Variants in UBAP2 observed in about 807,000 individuals in gnomAD.
UBAP2 encodes ubiquitin-associated protein 2.
Under a neutral mutation model 139.6 loss-of-function variants are expected in UBAP2, and 75 were observed. That is an observed-to-expected ratio of 0.54 (90% CI 0.45 to 0.65). The LOEUF is 0.65. Among genes scored for constraint, UBAP2 ranks in the 30% least tolerant of loss-of-function variants. The pLI is 0.00. For synonymous variants in UBAP2, 526 were observed against 526.2 expected (o/e 1.00, Z 0.01); for missense variants, 1,368 against 1,369.6 (o/e 1.00, Z 0.02).
At chr9:33,978,296 G>A (rs1020112533) in intron 6 of UBAP2, among the ~76,000 whole-genome samples, 1 of 151,924 alleles carries the variant, frequency 6.6e-6, no homozygotes, top group East Asian at 1.9e-4. Context: ...CACCTTGGTA[G>A]GTCAAGATGG....
chr9:33,950,190 C>A (rs1290680294), intron 12 of UBAP2, among the ~76,000 whole-genome samples: 1 of 152,104 alleles, frequency 6.6e-6, no homozygotes, highest in Non-Finnish European at 1.5e-5. Context: ...CTCAGCCTCC[C>A]GAGTAGCTGG....
In UBAP2 at chr9:33,948,582, G is replaced by A. The variant is rs1449169762; in HGVS notation, c.1062C>T (p.Ser354=). ...GCTCTCCAAATCCTGAGCCAAGGACGGATGACTTTAAAAGGGGGATAAAAG... is the reference window on the plus strand; with the variant it reads ...GCTCTCCAAATCCTGAGCCAAGGACAGATGACTTTAAAAGGGGGATAAAAG... ...VNSCSPQSLS[S]VLGSGFGELA... Residue 354 remains serine, a synonymous_variant, in exon 13 of 29, where the codon TCC becomes TCT. Coordinates refer to ENST00000379238, the MANE Select transcript of UBAP2 (RefSeq NM_001370062.2). 6.2e-6 allele frequency: 10 copies of A among 1,613,714 alleles called. No homozygotes were observed. The highest frequency in any genetic ancestry group is 2.2e-5 in the East Asian group (1 of 44,886).
chr9:33,960,567 GGAGTTTGAGACCACCCT>G (rs772012886), intron 10 of UBAP2, among the ~76,000 whole-genome samples: 4 of 151,970 alleles, frequency 2.6e-5, no homozygotes, highest in Non-Finnish European at 4.4e-5. Context: ...CCTGAGGTCA[GGAGTTTGAGACCACCCT>G]GACCAAAATG....
intron 2 of UBAP2, among the ~76,000 whole-genome samples, chr9:34,003,955 G>A (rs989244182): frequency 2.7e-5 from 4 of 150,202 alleles, no homozygotes; most frequent in African/African-American, 9.8e-5. Context: ...CCTGACCTCA[G>A]GTGATCCGCC....
intron 19 of UBAP2, among the ~76,000 whole-genome samples, chr9:33,929,753 G>A (rs1408075384): frequency 6.6e-6 from 1 of 152,202 alleles, no homozygotes; most frequent in Non-Finnish European, 1.5e-5. Context: ...TGTAATCCCA[G>A]CACTTTGGGA....
chr9:33,941,433 C>T (rs1317928570), intron 16 of UBAP2, among the ~76,000 whole-genome samples: 3 of 152,248 alleles, frequency 2.0e-5, no homozygotes, highest in Non-Finnish European at 4.4e-5. Context: ...TTGGTTTTCT[C>T]CACAAAGTGT....
At chr9:34,003,375 C>CTTTTT (rs34673994) in intron 2 of UBAP2, among the ~76,000 whole-genome samples, 1 of 138,220 alleles carries the variant, frequency 7.2e-6, no homozygotes, top group Non-Finnish European at 1.5e-5. Flanking sequence ...TCAAAGATGG[C>CTTTTT]TTTTTTTTTT....
chr9:34,035,532 T>TATATATATATATATATATATATA (rs1466687163), intron 1 of UBAP2, among the ~76,000 whole-genome samples: 3 of 104,136 alleles, frequency 2.9e-5, no homozygotes, highest in Admixed American at 2.2e-4. Flanking sequence ...TATATAAAGA[T>TATATATATATATATATATATATA]TAGCCAGGTT....
At chr9:33,937,568 C>CT in intron 16 of UBAP2, among the ~76,000 whole-genome samples, 1 of 140,264 alleles carries the variant, frequency 7.1e-6, no homozygotes, top group African/African-American at 2.7e-5. Flanking sequence ...GATCGCACCA[C>CT]TGCACTGGGC....
At chr9:34,024,086 C>T (rs1193485444) in intron 1 of UBAP2, among the ~76,000 whole-genome samples, 11 of 151,608 alleles carry the variant, frequency 7.3e-5, no homozygotes, top group East Asian at 1.9e-4. Flanking sequence ...AGGATGGGCG[C>T]GGTGGCACAC....
intron 6 of UBAP2, among the ~76,000 whole-genome samples, chr9:33,983,597 C>T (rs1820953531): frequency 6.6e-6 from 1 of 152,180 alleles, no homozygotes; most frequent in Non-Finnish European, 1.5e-5. Context: ...CCTGGTGAGA[C>T]ACAGTAAAAT....
At chr9:33,941,485 C>T (rs373426087) in intron 16 of UBAP2, among the ~76,000 whole-genome samples, 164 bp downstream of exon 16, 5 of 152,290 alleles carry the variant, frequency 3.3e-5, no homozygotes, top group African/African-American at 1.2e-4. Context: ...AGCATGGGTG[C>T]TAGAGATGCC....
At chr9:33,925,899 G>A (rs900573136) in intron 22 of UBAP2, among the ~76,000 whole-genome samples, 5 of 152,252 alleles carry the variant, frequency 3.3e-5, no homozygotes, top group African/African-American at 1.2e-4. Context: ...AGAGCAAGAA[G>A]ACAGTGGCTC....
chr9:33,934,719 G>C (rs1304739710), intron 17 of UBAP2, among the ~76,000 whole-genome samples: 1 of 152,170 alleles, frequency 6.6e-6, no homozygotes, highest in African/African-American at 2.4e-5. Flanking sequence ...AGGGAGAAGA[G>C]AGTATGGGAA....
At chr9:33,979,273 C>A (rs1039797421) in intron 6 of UBAP2, among the ~76,000 whole-genome samples, 3 of 152,154 alleles carry the variant, frequency 2.0e-5, no homozygotes, top group Non-Finnish European at 4.4e-5. Context: ...CCTTACTTGA[C>A]TCAATCTCAC....
Position 34,034,858 on chromosome 9 carries a change from G to A in UBAP2, c.-42+13967C>T, listed in dbSNP as rs970159518. Among the ~76,000 whole-genome samples, 3 of 144,678 alleles carry A rather than the reference G, an allele frequency of 2.1e-5. No homozygotes were observed. In the South Asian group the frequency reaches 6.9e-4, roughly 33 times the overall value. 94.9% of individuals were successfully genotyped at this position (144,678 alleles called of 152,430 possible). ...ACTGCACTCCAGCCTGGGAAACAGC[G>A]AGACTCAATCTCAAAACAAACAAAC... On this transcript the variant is annotated intron_variant, in intron 1 of 28. Transcript: ENST00000379238.
chr9:33,956,254 C>T (rs768488842), intron 10 of UBAP2, 108 bp from the exon 11 acceptor site: 30 of 666,434 alleles, frequency 4.5e-5, no homozygotes, highest in Non-Finnish European at 7.5e-5. Flanking sequence ...CTTCGCATAA[C>T]AGCTATTCTA....
At chr9:33,955,079 A>G (rs2130983380) in intron 11 of UBAP2, among the ~76,000 whole-genome samples, 1 of 152,114 alleles carries the variant, frequency 6.6e-6, no homozygotes, top group East Asian at 1.9e-4. Context: ...GAGTAAAACT[A>G]GTAGAACTCA....
At chr9:34,025,150 T>C (rs919823125) in intron 1 of UBAP2, among the ~76,000 whole-genome samples, 1 of 152,138 alleles carries the variant, frequency 6.6e-6, no homozygotes, top group Non-Finnish European at 1.5e-5. Flanking sequence ...TCAACTAACA[T>C]ACTGTTAGGA....
Sources: gnomAD v4.1 joint callset for allele counts (sites outside exome capture counted in the v4.1 genomes callset) on GRCh38, gnomAD v4.1.1 for gene constraint, MANE v1.5 for transcripts, NCBI Gene and HGNC (gene_info 2026-07-23, HGNC 2026-07-21) for gene names.